GLMN: variants seen among roughly 807,000 people sequenced by gnomAD.
The protein encoded by GLMN is glomulin.
A neutral mutation model predicts 87.8 loss-of-function variants in GLMN; 75 were observed. That is an observed-to-expected ratio of 0.85 (90% CI 0.71 to 1.04). The LOEUF (loss-of-function observed/expected upper bound fraction) is 1.04. Among genes scored for constraint, GLMN ranks in the 50% least tolerant of loss-of-function variants. The pLI, the probability that GLMN is intolerant of heterozygous loss-of-function variation, is 0.00. For synonymous variants in GLMN, 206 were observed against 221.6 expected (o/e 0.93, Z 0.63); for missense variants, 588 against 658.8 (o/e 0.89, Z 1.18).
chr1:92,299,554 C>G (rs545054169), upstream of GLMN, among the ~76,000 whole-genome samples: 1 of 152,238 alleles, frequency 6.6e-6, no homozygotes, highest in East Asian at 1.9e-4. Flanking sequence ...CCCTCTTCCC[C>G]CAGAGAGGAC....
chr1:92,346,235 C>T, the GLMN span, among the ~76,000 whole-genome samples: 10 of 151,464 alleles, frequency 6.6e-5, no homozygotes, highest in African/African-American at 2.4e-4. Flanking sequence ...GTGATGTCAG[C>T]TCACTGCCAC....
chr1:92,364,724 AC>A, the GLMN span, among the ~76,000 whole-genome samples: 1 of 152,058 alleles, frequency 6.6e-6, no homozygotes, highest in Non-Finnish European at 1.5e-5. Context: ...ACTGCTACTA[AC>A]CCACATTAGG....
the GLMN span, among the ~76,000 whole-genome samples, chr1:92,310,578 TTAA>T: frequency 6.6e-6 from 1 of 152,122 alleles, no homozygotes; most frequent in Non-Finnish European, 1.5e-5. Context: ...AATAGTAATT[TTAA>T]TAATCATAAT....
chr1:92,309,397 G>A, the GLMN span, among the ~76,000 whole-genome samples: 3 of 150,806 alleles, frequency 2.0e-5, no homozygotes, highest in Non-Finnish European at 2.9e-5. Flanking sequence ...AGCTGAGATC[G>A]TGCCACTGCA....
chr1:92,322,984 T>C, the GLMN span, among the ~76,000 whole-genome samples: 2 of 146,786 alleles, frequency 1.4e-5, no homozygotes, highest in Non-Finnish European at 3.0e-5. Flanking sequence ...GTATATATTA[T>C]ATATGTAAAT....
Position 92,261,414 on chromosome 1 carries a change from G to C in GLMN, c.1473+1449C>G, listed in dbSNP as rs938464297. On this transcript the variant is annotated intron_variant, in intron 16 of 18. Coordinates refer to ENST00000370360, the MANE Select transcript of GLMN (RefSeq NM_053274.3). ...GAGGATCTCTTGAGCCCAGGAGGTC[G>C]AGGCTGCAGTGAGCCATGATTGTAC... Among the ~76,000 whole-genome samples, 27 of 152,202 alleles carry C rather than the reference G, an allele frequency of 1.8e-4. 1 individual carries two copies. The highest frequency in any genetic ancestry group is 1.8e-3 in the Admixed American group (27 of 15,280).
chr1:92,281,606 T>C (rs536824233), intron 7 of GLMN, among the ~76,000 whole-genome samples: 194 of 152,254 alleles, frequency 1.3e-3, no homozygotes, highest in African/African-American at 4.4e-3. Flanking sequence ...CATGATCAAA[T>C]TCAAACATAA....
At chr1:92,331,426 T>C in the GLMN span, among the ~76,000 whole-genome samples, 1 of 152,210 alleles carries the variant, frequency 6.6e-6, no homozygotes, top group African/African-American at 2.4e-5. Flanking sequence ...TTTTCTCTCT[T>C]GCTTTCTTTT....
chr1:92,289,135 A>G lies in GLMN; in HGVS notation c.411T>C (p.His137=), dbSNP rs979579195. 6.3e-7 allele frequency: 1 copy of G among 1,593,594 alleles called. No individual in the cohort carries two copies. Among genetic ancestry groups the G allele is most frequent in the Non-Finnish European group, 8.6e-7 (1 of 1,161,380 alleles). The change falls in exon 6 of 19, where the codon CAT becomes CAC. Residue 137 remains histidine, a synonymous_variant. Transcript: ENST00000370360. ...CTAATCCAATTGAATATGCCTTGTT[A>G]TGAAGTTTCTGAATCACTAAAACAG... ...QPLQTVIQKL[H]NKAYSIGLAL... is the part of the protein sequence containing the mutation.
Position 92,286,586 on chromosome 1 carries a change from G to A in GLMN, c.639C>T (p.Phe213=). The change falls in exon 7 of 19, where the codon TTC becomes TTT. Residue 213 remains phenylalanine, a synonymous_variant. Transcript: ENST00000370360. ...TCAGCAAAGGGCATTTCAAGCTTTT[G>A]AAACAACTAAGGCATAAGAAATAGG... ...KLKDELLKFC[F]KSLKCPLLTA... The A allele has an allele frequency of 6.5e-6, 10 of 1,548,058 alleles. No individual in the cohort carries two copies. Among genetic ancestry groups the A allele is most frequent in the Non-Finnish European group, 8.9e-6 (10 of 1,120,414 alleles).
At chr1:92,314,943 G>A in the GLMN span, among the ~76,000 whole-genome samples, 1 of 151,934 alleles carries the variant, frequency 6.6e-6, no homozygotes, top group African/African-American at 2.4e-5. Flanking sequence ...TACTCGGGAG[G>A]CTGAGGTGCG....
chr1:92,327,986 A>C, the GLMN span, among the ~76,000 whole-genome samples: 1 of 152,216 alleles, frequency 6.6e-6, no homozygotes, highest in Non-Finnish European at 1.5e-5. Flanking sequence ...TAGGACTCCA[A>C]TGTCTTCTAG....
At chr1:92,360,046 A>C in the GLMN span, among the ~76,000 whole-genome samples, 1 of 152,224 alleles carries the variant, frequency 6.6e-6, no homozygotes, top group Non-Finnish European at 1.5e-5. Flanking sequence ...AGGCTCTGTA[A>C]AAACATATAC....
the GLMN span, among the ~76,000 whole-genome samples, chr1:92,327,097 A>G: frequency 6.6e-6 from 1 of 152,216 alleles, no homozygotes; most frequent in Non-Finnish European, 1.5e-5. Flanking sequence ...TGTTCTGTAA[A>G]TATCTGTTAA....
chr1:92,344,820 T>G, the GLMN span, among the ~76,000 whole-genome samples: 1 of 152,194 alleles, frequency 6.6e-6, no homozygotes, highest in African/African-American at 2.4e-5. Context: ...TCTCAAATTA[T>G]TAGTGAGATT....
chr1:92,355,715 T>C, the GLMN span, among the ~76,000 whole-genome samples: 1 of 152,168 alleles, frequency 6.6e-6, no homozygotes, highest in Admixed American at 6.5e-5. Flanking sequence ...AAATCCAAAA[T>C]GCTCCAAAAT....
Position 92,247,100 on chromosome 1 carries a change from C to T in GLMN, c.1630G>A (p.Glu544Lys). ...TCAGGAGGCATATTAGGGATCTCTT[C>T]TCCACTTACAGTTATAGAACAAAGA... is the stretch of plus-strand genomic sequence containing the variant. Reference protein sequence around the residue: ...KDLCSITVSGEEIPNMPPEMQ... With the variant: ...KDLCSITVSGKEIPNMPPEMQ... The change falls in exon 18 of 19, where the codon GAA becomes AAA. Residue 544 changes from glutamate (E) to lysine (K), a missense_variant. Coordinates refer to ENST00000370360, the MANE Select transcript of GLMN (RefSeq NM_053274.3). 2 of 1,580,976 alleles carry T rather than the reference C, an allele frequency of 1.3e-6. No individual in the cohort carries two copies. Among genetic ancestry groups the T allele is most frequent in the Non-Finnish European group, 1.7e-6 (2 of 1,150,738 alleles).
the GLMN span, among the ~76,000 whole-genome samples, chr1:92,335,236 C>T: frequency 1.7e-4 from 26 of 152,102 alleles, no homozygotes; most frequent in Non-Finnish European, 3.7e-4. Context: ...CCACTGCACT[C>T]CAGCCTGGGT....
At position 92,268,145 on chromosome 1, in the gene GLMN, A is replaced by C. The variant is rs372616217; in HGVS notation, c.978-10T>G. 2.2e-5 allele frequency: 29 copies of C among 1,319,582 alleles called. No homozygotes were observed. In the African/African-American group the frequency reaches 3.5e-4, roughly 16 times the overall value. The allele number at this position is 1,319,582 out of a possible 1,614,324, so 81.7% of individuals were successfully genotyped here. ...AACAGACTCTTCTGTTCTGAAAAAT[A>C]ATATTAAAATTTATCATGAATTTGT... On this transcript the variant is annotated splice_polypyrimidine_tract_variant and intron_variant, in intron 9 of 18. Transcript: ENST00000370360.
Sources: allele counts gnomAD v4.1 joint callset (sites outside exome capture counted in the v4.1 genomes callset), GRCh38; gene constraint gnomAD v4.1.1; transcripts MANE v1.5; gene names NCBI Gene and HGNC (gene_info 2026-07-23, HGNC 2026-07-21).